ZBTB7C: variants seen among roughly 807,000 people sequenced by gnomAD.
ZBTB7C encodes zinc finger and BTB domain-containing protein 7C.
A neutral mutation model predicts 25.7 loss-of-function variants in ZBTB7C; 8 were observed. The observed-to-expected ratio is 0.31, with a 90% CI of 0.18 to 0.56. ZBTB7C has a LOEUF of 0.56. Among genes scored for constraint, ZBTB7C ranks in the 20% least tolerant of loss-of-function variants. ZBTB7C has a pLI of 0.91. For missense variants in ZBTB7C, 824 were observed against 855.2 expected (o/e 0.96, Z 0.46); for synonymous variants, 394 against 369.0 (o/e 1.07, Z -0.78).
At chr18:48,124,429 C>T (rs2039732748) in intron 3 of ZBTB7C, among the ~76,000 whole-genome samples, 1 of 152,236 alleles carries the variant, frequency 6.6e-6, no homozygotes, top group South Asian at 2.1e-4. Context: ...TGTTTTGTTA[C>T]TAATTATCTT....
intron 2 of ZBTB7C, among the ~76,000 whole-genome samples, chr18:48,198,602 G>A (rs150705578): frequency 1.6e-4 from 25 of 152,030 alleles, no homozygotes; most frequent in African/African-American, 5.8e-4. Context: ...CTGCAACCTC[G>A]GGCGAGCCCT....
At chr18:48,124,290 G>A (rs1419676230) in intron 3 of ZBTB7C, among the ~76,000 whole-genome samples, 1 of 152,246 alleles carries the variant, frequency 6.6e-6, no homozygotes, top group Non-Finnish European at 1.5e-5. Context: ...GGTCCCTCAT[G>A]TGAATGTATT....
intron 2 of ZBTB7C, among the ~76,000 whole-genome samples, chr18:48,212,955 A>T (rs977544288): frequency 2.6e-5 from 4 of 152,158 alleles, no homozygotes; most frequent in Admixed American, 6.5e-5. Context: ...AACTCCTCAA[A>T]CCCAAGTGCA....
intron 3 of ZBTB7C, among the ~76,000 whole-genome samples, chr18:48,064,746 AT>A (rs2037258361): frequency 6.6e-6 from 1 of 152,168 alleles, no homozygotes; most frequent in Non-Finnish European, 1.5e-5. Flanking sequence ...ATCTCAAAAA[AT>A]AAAAAAAGAA....
chr18:48,118,007 T>C (rs1018806756), intron 3 of ZBTB7C, among the ~76,000 whole-genome samples: 13 of 150,426 alleles, frequency 8.6e-5, no homozygotes, highest in African/African-American at 3.2e-4. Context: ...TCTTCTTTTT[T>C]TTTTTTTTTT....
At chr18:48,405,709 T>C (rs558861289) in intron 1 of ZBTB7C, among the ~76,000 whole-genome samples, 2 of 152,154 alleles carry the variant, frequency 1.3e-5, no homozygotes, top group South Asian at 4.2e-4. Context: ...GTACCCTCCC[T>C]GCAGGATGCT....
intron 3 of ZBTB7C, among the ~76,000 whole-genome samples, chr18:48,120,705 CTG>C (rs1245309153): frequency 6.6e-6 from 1 of 152,206 alleles, no homozygotes; most frequent in Non-Finnish European, 1.5e-5. Context: ...CTAATGGACA[CTG>C]GGGGAGGAGG....
At chr18:48,157,167 G>C (rs982623255) in intron 3 of ZBTB7C, among the ~76,000 whole-genome samples, 1 of 152,172 alleles carries the variant, frequency 6.6e-6, no homozygotes. Context: ...TAACCTGGGG[G>C]TACTCTCTGA....
chr18:48,302,717 CA>C (rs933371245), intron 2 of ZBTB7C, among the ~76,000 whole-genome samples: 8 of 152,196 alleles, frequency 5.3e-5, no homozygotes, highest in Non-Finnish European at 7.3e-5. Flanking sequence ...CATCCCTCCA[CA>C]AAGGCCTTTC....
In ZBTB7C at chr18:48,042,197, C is replaced by T. The variant is rs563612762; in HGVS notation, c.-16-1074G>A. ...TCTGGTTGGGCCAGTAAAGCCCCTT[C>T]CTCATCCCTCTTTTCCACTTATCAC... On this transcript the variant is annotated intron_variant, in intron 3 of 4. Transcript: ENST00000590800. Among the ~76,000 whole-genome samples the T allele has an allele frequency of 5.9e-5, 9 of 152,346 alleles. No individual in the cohort carries two copies. The East Asian group carries it at 1.7e-3, about 29-fold the overall frequency.
intron 2 of ZBTB7C, among the ~76,000 whole-genome samples, chr18:48,250,139 G>A (rs1264981643): frequency 3.9e-5 from 6 of 152,244 alleles, no homozygotes; most frequent in African/African-American, 1.2e-4. Flanking sequence ...AGTGACATGC[G>A]CAGGGGTCAA....
chr18:48,037,842 TCCTGATCTGG>T (rs2036042854), intron 4 of ZBTB7C, among the ~76,000 whole-genome samples: 1 of 152,214 alleles, frequency 6.6e-6, no homozygotes, highest in Admixed American at 6.5e-5. Context: ...TGGCTGGCTT[TCCTGATCTGG>T]CCTGTGAAGA....
intron 1 of ZBTB7C, among the ~76,000 whole-genome samples, chr18:48,347,536 A>G (rs1313093040): frequency 1.3e-5 from 2 of 151,968 alleles, no homozygotes; most frequent in East Asian, 3.9e-4. Flanking sequence ...CTCCCCGTCA[A>G]GCAGCATGAA....
intron 2 of ZBTB7C, among the ~76,000 whole-genome samples, chr18:48,280,299 C>T (rs769002375): frequency 1.3e-5 from 2 of 152,200 alleles, no homozygotes; most frequent in South Asian, 2.1e-4. Flanking sequence ...GGGCACTCCT[C>T]GACCCCTCCC....
chr18:48,155,476 C>T (rs534210095), intron 3 of ZBTB7C, among the ~76,000 whole-genome samples: 27 of 150,910 alleles, frequency 1.8e-4, no homozygotes, highest in Non-Finnish European at 3.3e-4. Context: ...TACAGGTGCC[C>T]GCCACTACAC....
chr18:48,130,309 T>C (rs1477889422), intron 3 of ZBTB7C, among the ~76,000 whole-genome samples: 1 of 152,142 alleles, frequency 6.6e-6, no homozygotes, highest in East Asian at 1.9e-4. Context: ...TGGGCCGCTA[T>C]TAGAAATAAT....
At chr18:48,362,956 G>A (rs567336292) in intron 1 of ZBTB7C, among the ~76,000 whole-genome samples, 3 of 152,308 alleles carry the variant, frequency 2.0e-5, no homozygotes, top group African/African-American at 2.4e-5. Context: ...AACATGACAC[G>A]CACACAGCAA....
chr18:48,382,136 C>G (rs947521768), intron 1 of ZBTB7C, among the ~76,000 whole-genome samples: 2 of 152,188 alleles, frequency 1.3e-5, no homozygotes, highest in Admixed American at 6.5e-5. Context: ...TCACCTTCCA[C>G]TAGTAGGAAG....
At chr18:48,367,341 TGTGTGC>T (rs2047264281) in intron 1 of ZBTB7C, among the ~76,000 whole-genome samples, 6 of 57,462 alleles carry the variant, frequency 1.0e-4, no homozygotes, top group Admixed American at 2.3e-4. Context: ...TATACATATA[TGTGTGC>T]ATATATATAT....
Sources: allele counts gnomAD v4.1 joint callset (sites outside exome capture counted in the v4.1 genomes callset), GRCh38; gene constraint gnomAD v4.1.1; transcripts MANE v1.5; gene names NCBI Gene and HGNC (gene_info 2026-07-23, HGNC 2026-07-21).